Variants in PABPC4L observed in about 807,000 individuals in gnomAD.
The protein encoded by PABPC4L is poly(A) binding protein cytoplasmic 4 like.
For missense variants in PABPC4L, 452 were observed against 451.4 expected (o/e 1.00, Z -0.01); for synonymous variants, 169 against 164.1 (o/e 1.03, Z -0.23).
chr4:134,097,762 A>T, the PABPC4L span, among the ~76,000 whole-genome samples: 1 of 151,872 alleles, frequency 6.6e-6, no homozygotes, highest in East Asian at 1.9e-4. Context: ...GCTCCACTTT[A>T]CTCAAACCAC....
the PABPC4L span, among the ~76,000 whole-genome samples, chr4:134,006,389 A>G: frequency 6.6e-6 from 1 of 151,896 alleles, no homozygotes. Context: ...ATGACCTCAT[A>G]TGGTAGCTAT....
At chr4:134,024,659 A>C in the PABPC4L span, among the ~76,000 whole-genome samples, 1 of 152,212 alleles carries the variant, frequency 6.6e-6, no homozygotes. Context: ...TATAGGCTTC[A>C]AAGAAATGAA....
chr4:134,130,946 G>A, the PABPC4L span, among the ~76,000 whole-genome samples: 3 of 151,984 alleles, frequency 2.0e-5, no homozygotes, highest in African/African-American at 7.2e-5. Context: ...AAAATCACAC[G>A]AGCATCTCAA....
chr4:134,100,678 C>T, the PABPC4L span, among the ~76,000 whole-genome samples: 1 of 151,600 alleles, frequency 6.6e-6, no homozygotes, highest in Non-Finnish European at 1.5e-5. Context: ...TACTAGGAAA[C>T]TTGCTGAAAC....
At chr4:134,191,910 CAAAATT>C (rs1481070502), downstream of PABPC4L, among the ~76,000 whole-genome samples, 1 of 151,308 alleles carries the variant, frequency 6.6e-6, no homozygotes, top group African/African-American at 2.4e-5. Context: ...CAGAAACAAA[CAAAATT>C]AAGAATAGAA....
At chr4:134,076,497 C>T in the PABPC4L span, among the ~76,000 whole-genome samples, 1 of 152,196 alleles carries the variant, frequency 6.6e-6, no homozygotes, top group South Asian at 2.1e-4. Context: ...AGAGAATCAA[C>T]AATGCTTGCC....
the PABPC4L span, among the ~76,000 whole-genome samples, chr4:134,002,806 T>C: frequency 6.6e-6 from 1 of 151,894 alleles, no homozygotes; most frequent in Non-Finnish European, 1.5e-5. Context: ...TTGCAAAATG[T>C]GGAGTAATTA....
At chr4:133,949,491 C>T in the PABPC4L span, among the ~76,000 whole-genome samples, 2 of 152,176 alleles carry the variant, frequency 1.3e-5, no homozygotes, top group African/African-American at 2.4e-5. Context: ...AAGGGGCTCT[C>T]TCATAGTTCC....
At chr4:134,156,054 C>T in the PABPC4L span, among the ~76,000 whole-genome samples, 1 of 151,886 alleles carries the variant, frequency 6.6e-6, no homozygotes, top group East Asian at 1.9e-4. Context: ...ACTTAAGTAA[C>T]ATTTGTAAAG....
the PABPC4L span, among the ~76,000 whole-genome samples, chr4:134,125,937 C>A: frequency 6.6e-6 from 1 of 152,136 alleles, no homozygotes; most frequent in Non-Finnish European, 1.5e-5. Context: ...GGGTTAAACA[C>A]ACATACTCTA....
the PABPC4L span, among the ~76,000 whole-genome samples, chr4:133,998,725 A>T: frequency 2.0e-5 from 3 of 151,880 alleles, no homozygotes. Context: ...TTCAAAGAAG[A>T]TGATAATTAT....
At chr4:134,169,221 T>C in the PABPC4L span, among the ~76,000 whole-genome samples, 1 of 152,090 alleles carries the variant, frequency 6.6e-6, no homozygotes, top group Non-Finnish European at 1.5e-5. Context: ...TTTCTACTGA[T>C]GCTGATAAAA....
the PABPC4L span, among the ~76,000 whole-genome samples, chr4:134,107,374 G>T: frequency 6.6e-6 from 1 of 150,940 alleles, no homozygotes; most frequent in Non-Finnish European, 1.5e-5. Flanking sequence ...TTATTAATTT[G>T]CTTAACAAAC....
chr4:133,972,788 G>A, the PABPC4L span, among the ~76,000 whole-genome samples: 2 of 152,130 alleles, frequency 1.3e-5, no homozygotes, highest in African/African-American at 4.8e-5. Context: ...TCTGCTTACC[G>A]ACATAATAAA....
At chr4:134,038,594 C>G in the PABPC4L span, among the ~76,000 whole-genome samples, 48 of 152,152 alleles carry the variant, frequency 3.2e-4, no homozygotes, top group Non-Finnish European at 6.2e-4. Flanking sequence ...TCTAGATTTT[C>G]TAGTTTATTT....
Position 134,199,720 on chromosome 4 carries a change from T to A in PABPC4L, c.*187A>T. 3.0e-6 allele frequency: 2 copies of A among 671,860 alleles called. No individual in the cohort carries two copies. The highest frequency in any genetic ancestry group is 4.8e-6 in the Non-Finnish European group (2 of 420,748). 41.6% of individuals were successfully genotyped at this position (671,860 alleles called of 1,614,324 possible). ...GAAAATGTGCCTCTGTAAAATGAAC[T>A]AAGCTCCATCTATTTTTCCACAAAA... On this transcript the variant is annotated 3_prime_UTR_variant, in exon 2 of 2. Coordinates refer to ENST00000421491, the MANE Select transcript of PABPC4L (RefSeq NM_001114734.2).
At chr4:134,165,866 G>A in the PABPC4L span, among the ~76,000 whole-genome samples, 74 of 152,186 alleles carry the variant, frequency 4.9e-4, no homozygotes, top group African/African-American at 1.6e-3. Context: ...TCACAATTGC[G>A]TTAGTGACCA....
chr4:134,121,932 G>A, the PABPC4L span, among the ~76,000 whole-genome samples: 4 of 151,746 alleles, frequency 2.6e-5, no homozygotes, highest in Non-Finnish European at 5.9e-5. Flanking sequence ...AGACAAGTTC[G>A]CCATGATGTG....
At position 134,200,575 on chromosome 4, in the gene PABPC4L, C is replaced by T; in HGVS notation, c.445G>A (p.Ala149Thr). ...YAFVHFQNQS[A>T]ADRAIEEMNG... is the part of the protein sequence containing the mutation. ...ATCTCCTCAATGGCCCTGTCTGCAG[C>T]ACTCTGGTTCTGAAAGTGCACAAAT... The change falls in exon 2 of 2, where the codon GCT becomes ACT. Residue 149 changes from alanine to threonine, a missense_variant. Ala to Thr is a moderately conservative substitution (Grantham distance 58, BLOSUM62 0). Transcript: ENST00000421491. The T allele has an allele frequency of 6.4e-7, 1 of 1,551,682 alleles. No individual in the cohort carries two copies. Among genetic ancestry groups the T allele is most frequent in the Non-Finnish European group, 8.7e-7 (1 of 1,146,980 alleles).
Sources: gnomAD v4.1 joint callset for allele counts (sites outside exome capture counted in the v4.1 genomes callset) on GRCh38, gnomAD v4.1.1 for gene constraint, MANE v1.5 for transcripts, NCBI Gene and HGNC (gene_info 2026-07-23, HGNC 2026-07-21) for gene names.